TTC39B: variants seen among roughly 807,000 people sequenced by gnomAD.
The protein encoded by TTC39B is tetratricopeptide repeat domain 39B.
Under a neutral mutation model 96.6 loss-of-function variants are expected in TTC39B, and 92 were observed. The ratio of observed to expected loss-of-function variants is 0.95; its 90% CI spans 0.80 to 1.13. The LOEUF (loss-of-function observed/expected upper bound fraction) is 1.13, where lower values mean the gene tolerates loss of function less well. Ranked by LOEUF, TTC39B falls within the 50% of genes most tolerant of loss-of-function variation. The pLI is 0.00. For missense variants in TTC39B, 955 were observed against 809.3 expected (o/e 1.18, Z -2.18); for synonymous variants, 367 against 299.4 (o/e 1.23, Z -2.33).
chr9:15,170,046 G>T (rs7469375), exon 20 of TTC39B: 2 of 151,796 alleles, frequency 1.3e-5, no homozygotes, highest in African/African-American at 4.8e-5. Flanking sequence ...AGCTTTTTTT[G>T]GAAAACTTTT....
chr9:15,208,804 T>G (rs1018355190), intron 6 of TTC39B, among the ~76,000 whole-genome samples: 1 of 152,142 alleles, frequency 6.6e-6, no homozygotes, highest in Non-Finnish European at 1.5e-5. Context: ...ATAATTCCTC[T>G]CCTATAATCA....
intron 8 of TTC39B, among the ~76,000 whole-genome samples, chr9:15,198,277 TG>T (rs199722280): frequency 0.014 from 2,171 of 151,878 alleles, 61 homozygotes; most frequent in African/African-American, 0.049. Context: ...GTCAATATGG[TG>T]AAACCCCGTC....
exon 12 of TTC39B, chr9:15,189,728 T>C: frequency 6.2e-7 from 1 of 1,614,010 alleles, no homozygotes; most frequent in South Asian, 1.1e-5. Flanking sequence ...AGCGTACATT[T>C]GGAAACTGCT....
At chr9:15,176,306 G>A (rs1817935434) in intron 18 of TTC39B, among the ~76,000 whole-genome samples, 1 of 152,086 alleles carries the variant, frequency 6.6e-6, no homozygotes, top group South Asian at 2.1e-4. Context: ...AGCACAATAG[G>A]TCATCCTTTT....
intron 1 of TTC39B, among the ~76,000 whole-genome samples, chr9:15,275,032 C>T (rs1823487138): frequency 6.6e-6 from 1 of 151,020 alleles, no homozygotes; most frequent in African/African-American, 2.4e-5. Context: ...TATAATCCCA[C>T]GTAAATTCTG....
chr9:15,225,950 G>A (rs778463454), exon 3 of TTC39B: 14 of 1,613,912 alleles, frequency 8.7e-6, no homozygotes, highest in South Asian at 4.4e-5. Flanking sequence ...CTGTCTGGGC[G>A]CCTGTTGTGT....
chr9:15,177,635 C>G, intron 18 of TTC39B, 62 bp downstream of exon 18: 1 of 1,137,768 alleles, frequency 8.8e-7, no homozygotes, highest in Non-Finnish European at 1.3e-6. Flanking sequence ...GCATCACTTT[C>G]TCACAGCAAT....
At chr9:15,239,205 C>A (rs370420208) in intron 2 of TTC39B, among the ~76,000 whole-genome samples, 1 of 151,508 alleles carries the variant, frequency 6.6e-6, no homozygotes, top group African/African-American at 2.4e-5. Flanking sequence ...CAAATTAAAA[C>A]CACAATGAGA....
intron 18 of TTC39B, among the ~76,000 whole-genome samples, chr9:15,177,105 T>A (rs1221142084): frequency 6.6e-6 from 1 of 152,160 alleles, no homozygotes; most frequent in African/African-American, 2.4e-5. Context: ...TCCAGCACAG[T>A]CTCTGGCATA....
At chr9:15,235,783 A>T (rs1564375706) in intron 2 of TTC39B, among the ~76,000 whole-genome samples, 1 of 152,204 alleles carries the variant, frequency 6.6e-6, no homozygotes, top group Non-Finnish European at 1.5e-5. Context: ...CTGTCACCAC[A>T]AGACCTATCC....
At chr9:15,185,341 C>T (rs1457581784) in exon 16 of TTC39B, 1 of 1,613,828 alleles carries the variant, frequency 6.2e-7, no homozygotes, top group Non-Finnish European at 8.5e-7. Context: ...CCGAGCCTTC[C>T]TCACAGCAAA....
chr9:15,250,184 T>C (rs1286022163), intron 2 of TTC39B: 15 of 1,188,856 alleles, frequency 1.3e-5, no homozygotes, highest in Non-Finnish European at 1.6e-5. Context: ...TCAGTTAAAG[T>C]GGCAGCTACA....
At chr9:15,205,170 T>C (rs898328566) in intron 6 of TTC39B, among the ~76,000 whole-genome samples, 1 of 152,142 alleles carries the variant, frequency 6.6e-6, no homozygotes, top group Non-Finnish European at 1.5e-5. Flanking sequence ...GTGCTGCACA[T>C]AGAGCTCATG....
intron 2 of TTC39B, among the ~76,000 whole-genome samples, chr9:15,230,679 A>G (rs555169288): frequency 1.8e-4 from 27 of 152,204 alleles, no homozygotes; most frequent in Non-Finnish European, 2.5e-4. Flanking sequence ...GCTGTTATGA[A>G]CATTCATGTA....
intron 3 of TTC39B, among the ~76,000 whole-genome samples, chr9:15,218,275 A>T (rs894690715): frequency 9.9e-5 from 15 of 151,776 alleles, no homozygotes; most frequent in Non-Finnish European, 1.8e-4. Context: ...AGATTCCTGG[A>T]CTGGAAATTA....
At chr9:15,226,012 T>A (rs375306311) in exon 3 of TTC39B, 84 of 1,613,072 alleles carry the variant, frequency 5.2e-5, no homozygotes, top group Non-Finnish European at 6.7e-5. Context: ...AGTGAGAAGA[T>A]CTGTTAATTA....
intron 2 of TTC39B, among the ~76,000 whole-genome samples, chr9:15,251,561 C>A (rs985879364): frequency 2.0e-5 from 3 of 150,690 alleles, no homozygotes; most frequent in African/African-American, 7.3e-5. Context: ...AACTCCATCT[C>A]AAAAAAAATT....
At chr9:15,269,222 T>C (rs547293158) in intron 1 of TTC39B, among the ~76,000 whole-genome samples, 2 of 152,380 alleles carry the variant, frequency 1.3e-5, no homozygotes, top group African/African-American at 4.8e-5. Context: ...TTCATTTGTT[T>C]CATTCATAGC....
At chr9:15,265,841 G>GA (rs1295797532) in intron 2 of TTC39B, among the ~76,000 whole-genome samples, 1 of 152,018 alleles carries the variant, frequency 6.6e-6, no homozygotes, top group Non-Finnish European at 1.5e-5. Flanking sequence ...CATGAGGGGG[G>GA]AAAAACAGAC....
Sources: allele counts gnomAD v4.1 joint callset (sites outside exome capture counted in the v4.1 genomes callset), GRCh38; gene constraint gnomAD v4.1.1; transcripts MANE v1.5; gene names NCBI Gene and HGNC (gene_info 2026-07-23, HGNC 2026-07-21).